FAT3: variants seen among roughly 807,000 people sequenced by gnomAD.
FAT3 encodes protocadherin Fat 3.
In FAT3, 95 loss-of-function variants were observed where a neutral mutation model predicts 310.2. That is an observed-to-expected ratio of 0.31 (90% CI 0.26 to 0.36). The LOEUF (loss-of-function observed/expected upper bound fraction) is 0.36, where lower values mean the gene tolerates loss of function less well. FAT3 is among the 10% of genes least tolerant of loss of function. The pLI, the probability that FAT3 is intolerant of heterozygous loss-of-function variation, is 1.00. For synonymous variants in FAT3, 2,314 were observed against 2,192.9 expected (o/e 1.06, Z -1.54); for missense variants, 5,408 against 5,715.6 (o/e 0.95, Z 1.74).
chr11:92,298,727 G>T (rs1344417634), intron 1 of FAT3, among the ~76,000 whole-genome samples: 1 of 151,998 alleles, frequency 6.6e-6, no homozygotes, highest in African/African-American at 2.4e-5. Flanking sequence ...CAGGCAACCT[G>T]TTCAGCCTAA....
At chr11:92,789,050 CAA>C (rs1946971603) in intron 7 of FAT3, among the ~76,000 whole-genome samples, 1 of 152,014 alleles carries the variant, frequency 6.6e-6, no homozygotes, top group South Asian at 2.1e-4. Flanking sequence ...ACTTAAAAAA[CAA>C]TTAGAGAAGT....
chr11:92,427,917 T>G (rs1950672321), intron 2 of FAT3, among the ~76,000 whole-genome samples: 1 of 152,170 alleles, frequency 6.6e-6, no homozygotes, highest in South Asian at 2.1e-4. Flanking sequence ...TCTTTTCTAT[T>G]TCTTGGAATA....
chr11:92,816,322 G>A (rs187161752), intron 13 of FAT3, among the ~76,000 whole-genome samples: 1 of 152,136 alleles, frequency 6.6e-6, no homozygotes, highest in African/African-American at 2.4e-5. Flanking sequence ...CAGAAATCTG[G>A]TCCCTCCATC....
intron 2 of FAT3, among the ~76,000 whole-genome samples, chr11:92,505,282 G>C (rs1343104068): frequency 2.0e-5 from 3 of 152,146 alleles, no homozygotes; most frequent in Non-Finnish European, 2.9e-5. Flanking sequence ...TTGAACTTCT[G>C]CTGGGGAGAA....
intron 2 of FAT3, among the ~76,000 whole-genome samples, chr11:92,459,612 A>G (rs1264825900): frequency 6.6e-6 from 1 of 152,128 alleles, no homozygotes; most frequent in African/African-American, 2.4e-5. Flanking sequence ...GAAGTATTTG[A>G]TGATAGAATG....
intron 1 of FAT3, among the ~76,000 whole-genome samples, chr11:92,329,395 G>C (rs1416154936): frequency 1.3e-5 from 2 of 151,954 alleles, no homozygotes; most frequent in African/African-American, 4.8e-5. Flanking sequence ...CCTGCCACGT[G>C]ATCTCTGCAC....
At position 92,844,602 on chromosome 11, in the gene FAT3, G is replaced by C; in HGVS notation, c.11235G>C (p.Gly3745=). 1 of 1,613,780 alleles carries C rather than the reference G, an allele frequency of 6.2e-7. No homozygotes were observed. The highest frequency in any genetic ancestry group is 2.2e-5 in the East Asian group (1 of 44,870). The part of the protein sequence containing the change: ...ISAILEKNCS[G]LDCQEQHCEQ... ...CCATCTTGGAGAAGAACTGCTCAGG[G>C]CTGGACTGTCAGGAACAGCATTGTG... Residue 3745 remains glycine (G), a synonymous_variant, in exon 19 of 28, where the codon GGG becomes GGC. Coordinates refer to ENST00000525166, the MANE Select transcript of FAT3 (RefSeq NM_001367949.2).
rs1942286989 is a variant in FAT3 at position 92,649,378 on chromosome 11, C to G, written c.3608-48006C>G. Reference sequence around the variant, plus strand: ...GCTTGTACTTTATCTGCAACTATATCCCAGCTATCCCTTGTAATTCTGGCC... The same window carrying G: ...GCTTGTACTTTATCTGCAACTATATGCCAGCTATCCCTTGTAATTCTGGCC... On this transcript the variant is annotated intron_variant, in intron 3 of 27. Transcript: ENST00000525166. Among the ~76,000 whole-genome samples the G allele has an allele frequency of 2.0e-5, 3 of 152,294 alleles. No homozygotes were observed. In the East Asian group the frequency reaches 5.8e-4, roughly 29 times the overall value.
chr11:92,227,061 T>A (rs571367435), intron 1 of FAT3, among the ~76,000 whole-genome samples: 1 of 152,300 alleles, frequency 6.6e-6, no homozygotes, highest in South Asian at 2.1e-4. Context: ...GCGAGCTGTC[T>A]GGGCAGTGCC....
chr11:92,437,935 C>T (rs1950978921), intron 2 of FAT3, among the ~76,000 whole-genome samples: 1 of 37,008 alleles, frequency 2.7e-5, no homozygotes, highest in African/African-American at 1.1e-4. Flanking sequence ...ACAGTTAGAC[C>T]TGAGCTAAAG....
chr11:92,585,514 A>G (rs1939091739), intron 3 of FAT3, among the ~76,000 whole-genome samples: 5 of 152,136 alleles, frequency 3.3e-5, no homozygotes. Flanking sequence ...TTCCATAGAT[A>G]AGTTAGAAAA....
rs1591252852 is a variant in FAT3 at position 92,412,746 on chromosome 11, A to ACACACATATATAT, written c.3292+57342_3292+57343insCACACATATATAT. Reference sequence around the variant, plus strand: ...ATATATATATATATATATATATATAAATATACATACATATATATATATTTA... The same window carrying ACACACATATATAT: ...ATATATATATATATATATATATATAACACACATATATATATATACATACATATATATATATTTA... On this transcript the variant is annotated intron_variant, in intron 2 of 27. Coordinates refer to ENST00000525166, the MANE Select transcript of FAT3 (RefSeq NM_001367949.2). Among the ~76,000 whole-genome samples, 10 of 18,072 alleles carry ACACACATATATAT rather than the reference A, an allele frequency of 5.5e-4. 2 individuals carry two copies. Among genetic ancestry groups the ACACACATATATAT allele is most frequent in the Non-Finnish European group, 1.1e-3 (10 of 9,236 alleles). 11.9% of individuals were successfully genotyped at this position (18,072 alleles called of 152,430 possible).
At chr11:92,727,077 T>C (rs189025881) in intron 4 of FAT3, among the ~76,000 whole-genome samples, 2 of 152,338 alleles carry the variant, frequency 1.3e-5, no homozygotes, top group Admixed American at 1.3e-4. Flanking sequence ...CTCAATCTAC[T>C]ATGAATTTCG....
chr11:92,354,150 A>G lies in FAT3; in HGVS notation c.2038A>G (p.Ser680Gly). 1 of 1,613,890 alleles carries G rather than the reference A, an allele frequency of 6.2e-7. No homozygotes were observed. Among genetic ancestry groups the G allele is most frequent in the Admixed American group, 1.7e-5 (1 of 59,944 alleles). ...CCTACATGGGAAAGTGTCTTCAAAGAGCTTCAGTTGCAGAGAAACTCGTGT... is the reference window on the plus strand; with the variant it reads ...CCTACATGGGAAAGTGTCTTCAAAGGGCTTCAGTTGCAGAGAAACTCGTGT... ...SVLHGKVSSK[S>G]FSCRETRVAQ... The change falls in exon 2 of 28, where the codon AGC (serine) becomes GGC (glycine). Residue 680 changes from serine to glycine, a missense_variant. Coordinates refer to ENST00000525166, the MANE Select transcript of FAT3 (RefSeq NM_001367949.2).
At chr11:92,230,642 A>G (rs1864137138) in intron 1 of FAT3, among the ~76,000 whole-genome samples, 1 of 152,196 alleles carries the variant, frequency 6.6e-6, no homozygotes, top group Non-Finnish European at 1.5e-5. Context: ...TTTCAGCGAT[A>G]TTTACTGAAT....
In FAT3 at chr11:92,553,836, ACT is replaced by A. The variant is rs1222882575; in HGVS notation, c.3607+28891_3607+28892del. Among the ~76,000 whole-genome samples the A allele has an allele frequency of 7.9e-5, 11 of 139,818 alleles. No homozygotes were observed. In the South Asian group the frequency reaches 1.8e-3, roughly 23 times the overall value. 91.7% of individuals were successfully genotyped at this position (139,818 alleles called of 152,430 possible). A position where few individuals can be genotyped will look rare whatever the true frequency, so the allele number is the denominator to read the frequency against. On this transcript the variant is annotated intron_variant, in intron 3 of 27. Transcript: ENST00000525166. ...TCTCTTTTTTTTGAGACAGAGTATC[ACT>A]CTTGTTGCCCAGGCTGGAGTGCAGT...
At chr11:92,605,724 T>TG (rs1555098265) in intron 3 of FAT3, among the ~76,000 whole-genome samples, 9 of 148,226 alleles carry the variant, frequency 6.1e-5, no homozygotes, top group Non-Finnish European at 6.0e-5. Context: ...GCTATGTTTT[T>TG]TTTTTTTTTT....
rs762395419 is a variant in FAT3 at position 92,891,097 on chromosome 11, A to C, written c.13754A>C (p.His4585Pro). 6.2e-7 allele frequency: 1 copy of C among 1,613,546 alleles called. No individual in the cohort carries two copies. The highest frequency in any genetic ancestry group is 1.3e-5 in the African/African-American group (1 of 74,918). The change falls in exon 28 of 28, where the codon CAT becomes CCT. Residue 4585 changes from histidine to proline, a missense_variant. Physicochemically the swap from His to Pro is moderately conservative, Grantham distance 77 (BLOSUM62 -2). Transcript: ENST00000525166. ...SLHIPFVETQ[H>P]QTQV ...CACATTCCCTTTGTGGAGACTCAGCATCAGACTCAAGTGTAGACATCACAT... is the reference window on the plus strand; with the variant it reads ...CACATTCCCTTTGTGGAGACTCAGCCTCAGACTCAAGTGTAGACATCACAT...
At chr11:92,514,401 A>G (rs181145112) in intron 2 of FAT3, among the ~76,000 whole-genome samples, 2 of 152,328 alleles carry the variant, frequency 1.3e-5, no homozygotes, top group Admixed American at 1.3e-4. Flanking sequence ...ATGAATTTTG[A>G]AAATGACATT....
Sources: gnomAD v4.1 joint callset for allele counts (sites outside exome capture counted in the v4.1 genomes callset) on GRCh38, gnomAD v4.1.1 for gene constraint, MANE v1.5 for transcripts, NCBI Gene and HGNC (gene_info 2026-07-23, HGNC 2026-07-21) for gene names.